ANK2: variants seen among roughly 807,000 people sequenced by gnomAD.
ANK2 encodes the protein ankyrin 2, also known as ankyrin-2.
ANK2 carries 83 observed loss-of-function variants against 360.5 expected under a neutral mutation model. That is an observed-to-expected ratio of 0.23 (90% CI 0.19 to 0.28). The LOEUF is 0.28. Among genes scored for constraint, ANK2 ranks in the 10% least tolerant of loss-of-function variants. ANK2 has a pLI of 1.00. For synonymous variants in ANK2, 1,740 were observed against 1,759.5 expected (o/e 0.99, Z 0.28); for missense variants, 4,201 against 4,795.7 (o/e 0.88, Z 3.66).
chr4:113,070,406 C>CA (rs1055356055), intron 1 of ANK2, among the ~76,000 whole-genome samples: 1 of 151,630 alleles, frequency 6.6e-6, no homozygotes, highest in African/African-American at 2.4e-5. Flanking sequence ...ATTTTCTAAC[C>CA]AAAAATTACT....
intron 4 of ANK2, among the ~76,000 whole-genome samples, chr4:113,218,768 T>C (rs1395951659): frequency 1.3e-5 from 2 of 152,156 alleles, no homozygotes; most frequent in African/African-American, 4.8e-5. Flanking sequence ...ATTTAAATAA[T>C]TTTGGGGGGT....
At chr4:112,912,718 T>C (rs2088095535) in intron 2 of ANK2, among the ~76,000 whole-genome samples, 1 of 152,024 alleles carries the variant, frequency 6.6e-6, no homozygotes, top group Admixed American at 6.5e-5. Flanking sequence ...CAGAGTGAAG[T>C]AGAGATATGT....
At chr4:113,100,016 A>G (rs2092548331) in intron 1 of ANK2, among the ~76,000 whole-genome samples, 1 of 152,012 alleles carries the variant, frequency 6.6e-6, no homozygotes, top group Non-Finnish European at 1.5e-5. Context: ...AAACGATGAA[A>G]CTTCTAGAAG....
the ANK2 span, among the ~76,000 whole-genome samples, chr4:112,784,725 A>G: frequency 6.6e-6 from 1 of 152,020 alleles, no homozygotes; most frequent in Non-Finnish European, 1.5e-5. Flanking sequence ...ATGAGCCACC[A>G]TTTCTGGCCC....
At chr4:112,963,099 C>T (rs1465150066) in intron 2 of ANK2, among the ~76,000 whole-genome samples, 2 of 152,018 alleles carry the variant, frequency 1.3e-5, no homozygotes, top group Non-Finnish European at 2.9e-5. Context: ...TCAGTTAGTT[C>T]TGACCCCATT....
chr4:112,812,159 T>G, the ANK2 span, among the ~76,000 whole-genome samples: 1 of 150,846 alleles, frequency 6.6e-6, no homozygotes, highest in African/African-American at 2.4e-5. Flanking sequence ...TACTTAACTC[T>G]CGACTAATTT....
At chr4:113,290,649 AACAAACAG>A (rs1408101134) in intron 20 of ANK2, among the ~76,000 whole-genome samples, 2 of 152,210 alleles carry the variant, frequency 1.3e-5, no homozygotes, top group African/African-American at 4.8e-5. Context: ...CAAACAAACA[AACAAACAG>A]AATGAAAACA....
chr4:112,729,553 C>T, the ANK2 span, among the ~76,000 whole-genome samples: 4 of 151,922 alleles, frequency 2.6e-5, no homozygotes, highest in South Asian at 4.2e-4. Context: ...GTCAGGAGTT[C>T]GAGACCAACA....
rs532478716 is a variant in ANK2, at chr4:113,382,617, G to A, written c.*1146G>A. 1.3e-5 allele frequency: 2 copies of A among 152,516 alleles called. No individual in the cohort carries two copies. The highest frequency in any genetic ancestry group is 4.2e-4 in the South Asian group (2 of 4,808). The allele number at this position is 152,516 out of a possible 1,614,324, so 9.4% of individuals were successfully genotyped here. On this transcript the variant is annotated 3_prime_UTR_variant, in exon 46 of 46. Coordinates refer to ENST00000357077, the MANE Select transcript of ANK2 (RefSeq NM_001148.6). The stretch of plus-strand genomic sequence containing the variant: ...AAGGTTAAACTCCTTCAGTATGTTG[G>A]AGTGGTTTCTTTTTTTTTTTCTTTC...
chr4:113,025,867 G>C (rs58249039), intron 2 of ANK2, among the ~76,000 whole-genome samples: 1 of 152,142 alleles, frequency 6.6e-6, no homozygotes, highest in Non-Finnish European at 1.5e-5. Context: ...ATACCTGATA[G>C]CTATGTCACT....
chr4:113,204,762 G>T (rs957502306), intron 4 of ANK2, among the ~76,000 whole-genome samples: 2 of 152,026 alleles, frequency 1.3e-5, no homozygotes, highest in Non-Finnish European at 2.9e-5. Context: ...TTGAATTAGG[G>T]AAGTCCAAAA....
chr4:113,011,567 T>TAGTAGAACTA (rs1429918991), intron 2 of ANK2, among the ~76,000 whole-genome samples: 9 of 151,846 alleles, frequency 5.9e-5, no homozygotes, highest in African/African-American at 2.2e-4. Flanking sequence ...TCGTTAATCA[T>TAGTAGAACTA]GAAAAAGTAA....
At chr4:112,782,345 C>T in the ANK2 span, among the ~76,000 whole-genome samples, 4 of 152,214 alleles carry the variant, frequency 2.6e-5, no homozygotes, top group South Asian at 4.1e-4. Context: ...TTATACTATT[C>T]TCTTTACTTT....
At chr4:112,871,411 T>G (rs1031815012) in intron 1 of ANK2, among the ~76,000 whole-genome samples, 1 of 152,138 alleles carries the variant, frequency 6.6e-6, no homozygotes, top group African/African-American at 2.4e-5. Flanking sequence ...GTCGTGAACT[T>G]CCTTAGCTCA....
At chr4:113,314,875 CAGTA>C (rs1385237477) in intron 24 of ANK2, among the ~76,000 whole-genome samples, 2 of 152,098 alleles carry the variant, frequency 1.3e-5, no homozygotes, top group African/African-American at 4.8e-5. Context: ...TTTCAGAAGG[CAGTA>C]AGTAAGTAGA....
At chr4:113,252,926 A>G (rs1318986812) in intron 10 of ANK2, among the ~76,000 whole-genome samples, 1 of 152,144 alleles carries the variant, frequency 6.6e-6, no homozygotes, top group East Asian at 1.9e-4. Context: ...ATCTCGCTCT[A>G]TCTTCTAAGT....
At chr4:113,378,183 T>A in intron 45 of ANK2, 3 of 1,255,988 alleles carry the variant, frequency 2.4e-6, no homozygotes, top group Non-Finnish European at 3.1e-6. Flanking sequence ...AATTAAAAGG[T>A]TTGGGTTAGC....
chr4:113,102,701 A>G (rs1338460378), intron 1 of ANK2, among the ~76,000 whole-genome samples: 1 of 152,160 alleles, frequency 6.6e-6, no homozygotes, highest in Non-Finnish European at 1.5e-5. Context: ...AAATCAGATA[A>G]TCTGAGGACT....
Position 113,287,601 on chromosome 4 carries a change from G to C in ANK2, c.2080-4G>C. 6.3e-7 allele frequency: 1 copy of C among 1,592,406 alleles called. No homozygotes were observed. The highest frequency in any genetic ancestry group is 1.1e-5 in the South Asian group (1 of 90,612). On this transcript the variant is annotated splice_region_variant and splice_polypyrimidine_tract_variant and intron_variant, in intron 18 of 45. Transcript: ENST00000357077. Reference sequence around the variant, plus strand: ...GTATCCCTTTGGTTCCATTCTTTCTGTAGAGTGGACTCACATCCTTACACC... The same window carrying C: ...GTATCCCTTTGGTTCCATTCTTTCTCTAGAGTGGACTCACATCCTTACACC...
Sources: gnomAD v4.1 joint callset for allele counts (sites outside exome capture counted in the v4.1 genomes callset) on GRCh38, gnomAD v4.1.1 for gene constraint, MANE v1.5 for transcripts, NCBI Gene and HGNC (gene_info 2026-07-23, HGNC 2026-07-21) for gene names.